The following PACS2 variants were observed in gnomAD, a reference collection of about 807,000 sequenced individuals.
The protein encoded by PACS2 is phosphofurin acidic cluster sorting protein 2.
A neutral mutation model predicts 113.0 loss-of-function variants in PACS2; 36 were observed. The ratio of observed to expected loss-of-function variants is 0.32; its 90% CI spans 0.24 to 0.42. The LOEUF is 0.42. Among genes scored for constraint, PACS2 ranks in the 10% least tolerant of loss-of-function variants. The probability of loss-of-function intolerance (pLI) is 1.00; values close to 1 mark genes in which losing one functional copy is unlikely to be tolerated. For synonymous variants in PACS2, 589 were observed against 536.1 expected (o/e 1.10, Z -1.36); for missense variants, 1,015 against 1,239.5 (o/e 0.82, Z 2.72).
intron 5 of PACS2, 71 bp downstream of exon 5, chr14:105,367,446 G>A: frequency 6.7e-7 from 1 of 1,491,524 alleles, no homozygotes; most frequent in Non-Finnish European, 9.3e-7. Flanking sequence ...GGCACATCGG[G>A]TGGCAGAAAC....
chr14:105,349,388 G>C (rs1555403369), intron 2 of PACS2, among the ~76,000 whole-genome samples: 1 of 152,246 alleles, frequency 6.6e-6, no homozygotes, highest in Non-Finnish European at 1.5e-5. Context: ...CTCAGTGGCT[G>C]TTGTGCTCCT....
Position 105,376,149 on chromosome 14 carries a change from TA to T in PACS2, c.802-618del, listed in dbSNP as rs1435978994. On this transcript the variant is annotated intron_variant, in intron 8 of 24. Transcript: ENST00000447393. The surrounding 1 kb of genome is among the most constrained non-coding windows in gnomAD (Gnocchi z 4.7). Reference sequence around the variant, plus strand: ...GAGGAAACCACCCCCAGGATCCAGTTACCTCCACTTGTCCTGCCCTTGGCAC... The same window carrying T: ...GAGGAAACCACCCCCAGGATCCAGTTCCTCCACTTGTCCTGCCCTTGGCAC... Among the ~76,000 whole-genome samples, 1 of 152,022 alleles carries T rather than the reference TA, an allele frequency of 6.6e-6. No homozygotes were observed. The highest frequency in any genetic ancestry group is 1.5e-5 in the Non-Finnish European group (1 of 67,998).
chr14:105,357,376 C>T lies in PACS2; in HGVS notation c.423+2199C>T, dbSNP rs1031750902. Among the ~76,000 whole-genome samples the T allele has an allele frequency of 6.6e-6, 1 of 152,104 alleles. No individual in the cohort carries two copies. Among genetic ancestry groups the T allele is most frequent in the Non-Finnish European group, 1.5e-5 (1 of 68,020 alleles). ...CTGGATGTAGTTCCAGTGCCCTGCCCCTGAGCCTGTGGCCCCCACCCCAAG... is the reference window on the plus strand; with the variant it reads ...CTGGATGTAGTTCCAGTGCCCTGCCTCTGAGCCTGTGGCCCCCACCCCAAG... On this transcript the variant is annotated intron_variant, in intron 4 of 24. Coordinates refer to ENST00000447393, the MANE Select transcript of PACS2 (RefSeq NM_001100913.3). This position sits in a 1 kb window ranked among gnomAD's most constrained non-coding sequence, Gnocchi z 5.1.
intron 4 of PACS2, among the ~76,000 whole-genome samples, chr14:105,359,587 CTTTTTTTT>C (rs1162190552): frequency 2.9e-5 from 3 of 101,812 alleles, no homozygotes; most frequent in Non-Finnish European, 5.9e-5. Context: ...GTATTTCTTT[CTTTTTTTT>C]TTTTTTTTTT....
At position 105,340,546 on chromosome 14, in the gene PACS2, G is replaced by A. The variant is rs587729557; in HGVS notation, c.120-7947G>A. Among the ~76,000 whole-genome samples, 4 of 152,318 alleles carry A rather than the reference G, an allele frequency of 2.6e-5. No individual in the cohort carries two copies. In the South Asian group the frequency reaches 8.3e-4, roughly 32 times the overall value. ...AGCGTGCAGCCTGGATCCCTCGCGT[G>A]CACAGTTACAATAGGGTTCTTCCGG... On this transcript the variant is annotated intron_variant, in intron 1 of 24. Transcript: ENST00000447393. The surrounding 1 kb of genome is among the most constrained non-coding windows in gnomAD (Gnocchi z 4.2).
rs587657569 is a variant in PACS2 at position 105,330,133 on chromosome 14, C to T, written c.119+15096C>T. Reference sequence around the variant, plus strand: ...CCTGGGGTCCGTGTGTGGGAAGGAACGGGGACAGGGAGCCTCCGAGAAGCC... The same window carrying T: ...CCTGGGGTCCGTGTGTGGGAAGGAATGGGGACAGGGAGCCTCCGAGAAGCC... On this transcript the variant is annotated intron_variant, in intron 1 of 24. Transcript: ENST00000447393. This position sits in a 1 kb window ranked among gnomAD's most constrained non-coding sequence, Gnocchi z 6.9. Among the ~76,000 whole-genome samples the T allele has an allele frequency of 6.3e-4, 82 of 129,298 alleles. No individual in the cohort carries two copies. The highest frequency in any genetic ancestry group is 7.4e-4 in the Non-Finnish European group (45 of 61,132). The allele number at this position is 129,298 out of a possible 152,430, so 84.8% of individuals were successfully genotyped here. A position where few individuals can be genotyped will look rare whatever the true frequency, so the allele number is the denominator to read the frequency against.
rs1254622944 is a variant in PACS2, at chr14:105,340,855, A to G, written c.120-7638A>G. 1.3e-5 allele frequency among the ~76,000 whole-genome samples: 2 copies of G among 152,236 alleles called. No individual in the cohort carries two copies. Among genetic ancestry groups the G allele is most frequent in the Admixed American group, 6.5e-5 (1 of 15,284 alleles). On this transcript the variant is annotated intron_variant, in intron 1 of 24. Coordinates refer to ENST00000447393, the MANE Select transcript of PACS2 (RefSeq NM_001100913.3). This position sits in a 1 kb window ranked among gnomAD's most constrained non-coding sequence, Gnocchi z 4.2. ...CTGCCTGGGACCTGCCCTTGCAGCC[A>G]GGGTGAAAGGAGTGGGCAGGGCCTG...
At chr14:105,364,175 T>C (rs2060837044) in intron 4 of PACS2, among the ~76,000 whole-genome samples, 1 of 152,248 alleles carries the variant, frequency 6.6e-6, no homozygotes, top group Non-Finnish European at 1.5e-5. Flanking sequence ...AAAGTGGCGC[T>C]GATAGACTTG....
chr14:105,384,304 G>A, intron 16 of PACS2, 49 bp from the exon 17 acceptor site: 2 of 1,132,324 alleles, frequency 1.8e-6, no homozygotes, highest in Non-Finnish European at 1.3e-6. Context: ...TGGGAGCCTT[G>A]CAGCTCCGAG....
chr14:105,392,932 C>A, intron 23 of PACS2, 87 bp downstream of exon 23: 1 of 1,125,344 alleles, frequency 8.9e-7, no homozygotes, highest in African/African-American at 1.5e-5. Context: ...GGATGACAGC[C>A]CCCGGGCTGG....
At chr14:105,385,590 G>C in intron 18 of PACS2, 95 bp from the exon 19 acceptor site, 1 of 753,804 alleles carries the variant, frequency 1.3e-6, no homozygotes, top group Non-Finnish European at 2.1e-6. Context: ...GAGCCCCAGT[G>C]AGATGGGAGC....
At chr14:105,349,764 C>T (rs1444301613) in intron 2 of PACS2, among the ~76,000 whole-genome samples, 6 of 152,398 alleles carry the variant, frequency 3.9e-5, no homozygotes, top group Middle Eastern at 6.8e-3. Context: ...CCAGGTTCCC[C>T]GGGTGGTGGG....
At chr14:105,389,862 C>G in intron 19 of PACS2, 99 bp from the exon 20 acceptor site, 1 of 1,125,208 alleles carries the variant, frequency 8.9e-7, no homozygotes, top group Non-Finnish European at 1.4e-6. Context: ...GGGCCGCGGC[C>G]CCAGGGCTGC....
chr14:105,332,743 G>A (rs753418227), intron 1 of PACS2, among the ~76,000 whole-genome samples: 1 of 152,184 alleles, frequency 6.6e-6, no homozygotes, highest in African/African-American at 2.4e-5. Flanking sequence ...TGAGTCCCCC[G>A]CAGGACAGCA....
intron 4 of PACS2, among the ~76,000 whole-genome samples, chr14:105,362,193 C>A (rs113085281): frequency 3.5e-4 from 52 of 150,668 alleles, no homozygotes; most frequent in African/African-American, 1.2e-3. Context: ...CCACGGTGGG[C>A]GGATCACGAG....
rs782284238 is a variant in PACS2 at position 105,348,529 on chromosome 14, C to T, written c.156C>T (p.Phe52=). Residue 52 remains phenylalanine (F), a synonymous_variant, in exon 2 of 25, where the codon TTC becomes TTT. Transcript: ENST00000447393. The surrounding 1 kb of genome is among the most constrained non-coding windows in gnomAD (Gnocchi z 6.4). ...TGACTCTGAAGAAGCTGGTGGTCTT[C>T]AAGGAGCTGGAGAAGGAGCTGATCT... ...CSLTLKKLVV[F]KELEKELISV... is the part of the protein sequence containing the mutation. The T allele has an allele frequency of 2.5e-6, 4 of 1,612,462 alleles. No homozygotes were observed. Among genetic ancestry groups the T allele is most frequent in the Non-Finnish European group, 3.4e-6 (4 of 1,179,838 alleles).
chr14:105,317,243 G>C lies in PACS2; in HGVS notation c.119+2206G>C, dbSNP rs1033927372. On this transcript the variant is annotated intron_variant, in intron 1 of 24. Coordinates refer to ENST00000447393, the MANE Select transcript of PACS2 (RefSeq NM_001100913.3). This position sits in a 1 kb window ranked among gnomAD's most constrained non-coding sequence, Gnocchi z 4.2. Reference sequence around the variant, plus strand: ...TGCTTCTGTCAAGGGACCTTGGCTTGTTTCCAGTTTTTTGGTTAATTACAA... The same window carrying C: ...TGCTTCTGTCAAGGGACCTTGGCTTCTTTCCAGTTTTTTGGTTAATTACAA... 2.0e-5 allele frequency among the ~76,000 whole-genome samples: 3 copies of C among 152,180 alleles called. No individual in the cohort carries two copies. The highest frequency in any genetic ancestry group is 7.2e-5 in the African/African-American group (3 of 41,434).
chr14:105,303,541 C>A (rs907432749), intron 1 of PACS2, among the ~76,000 whole-genome samples: 1 of 152,198 alleles, frequency 6.6e-6, no homozygotes, highest in Non-Finnish European at 1.5e-5. Context: ...TCGCGCCTGG[C>A]CTTTTCCTAG....
chr14:105,352,361 G>C lies in PACS2; in HGVS notation c.208-17G>C, dbSNP rs1555404160. Reference sequence around the variant, plus strand: ...TATGCAGTCCTTTGAGCTAGAACAGGTCTTGCTTAATCACAGGGCTCCAAA... The same window carrying C: ...TATGCAGTCCTTTGAGCTAGAACAGCTCTTGCTTAATCACAGGGCTCCAAA... On this transcript the variant is annotated splice_polypyrimidine_tract_variant and intron_variant, in intron 2 of 24. Transcript: ENST00000447393. 1.2e-5 allele frequency: 18 copies of C among 1,553,264 alleles called. No homozygotes were observed. The highest frequency in any genetic ancestry group is 1.6e-5 in the Non-Finnish European group (18 of 1,124,872).
Sources: allele counts gnomAD v4.1 joint callset (sites outside exome capture counted in the v4.1 genomes callset), GRCh38; gene constraint gnomAD v4.1.1; non-coding constraint Gnocchi (gnomAD v3.1); transcripts MANE v1.5; gene names NCBI Gene and HGNC (gene_info 2026-07-23, HGNC 2026-07-21).